RALY: variants seen among roughly 807,000 people sequenced by gnomAD.
The protein encoded by RALY is RNA-binding protein Raly.
RALY carries 15 observed loss-of-function variants against 30.7 expected under a neutral mutation model. The ratio of observed to expected loss-of-function variants is 0.49; its 90% CI spans 0.33 to 0.75. The LOEUF (loss-of-function observed/expected upper bound fraction) is 0.75, where lower values mean the gene tolerates loss of function less well. Among genes scored for constraint, RALY ranks in the 30% least tolerant of loss-of-function variants. RALY has a pLI of 0.02. For synonymous variants in RALY, 177 were observed against 170.8 expected (o/e 1.04, Z -0.28); for missense variants, 339 against 414.3 (o/e 0.82, Z 1.58).
intron 1 of RALY, among the ~76,000 whole-genome samples, chr20:34,016,051 C>T (rs1430445777): frequency 1.3e-5 from 2 of 152,086 alleles, no homozygotes; most frequent in Non-Finnish European, 2.9e-5. Flanking sequence ...ACTCAGACAC[C>T]ACACTGTTCA....
intron 2 of RALY, among the ~76,000 whole-genome samples, chr20:34,064,504 G>A (rs1042982031): frequency 6.6e-6 from 1 of 152,146 alleles, no homozygotes; most frequent in East Asian, 1.9e-4. Flanking sequence ...TGGTGGTTCC[G>A]TCCTCTCCCA....
intron 2 of RALY, among the ~76,000 whole-genome samples, chr20:34,043,660 G>T (rs183407226): frequency 2.6e-5 from 4 of 152,232 alleles, no homozygotes; most frequent in Admixed American, 2.6e-4. Flanking sequence ...GTTCCATGGG[G>T]GTTCATACTA....
chr20:34,050,533 A>G (rs138268115), intron 2 of RALY, among the ~76,000 whole-genome samples: 128 of 152,370 alleles, frequency 8.4e-4, no homozygotes, highest in Middle Eastern at 6.8e-3. Context: ...AGGATGTGAT[A>G]TCAGGCAGGG....
At chr20:34,046,236 C>T (rs1230341718) in intron 2 of RALY, among the ~76,000 whole-genome samples, 2 of 152,164 alleles carry the variant, frequency 1.3e-5, no homozygotes, top group African/African-American at 4.8e-5. Flanking sequence ...GAAGCCCAGC[C>T]CCAGTCTTAT....
intron 1 of RALY, among the ~76,000 whole-genome samples, chr20:34,010,599 T>A (rs1056500232): frequency 1.3e-5 from 2 of 152,186 alleles, no homozygotes; most frequent in African/African-American, 2.4e-5. Context: ...TTCTTGTGAT[T>A]ACTGAAACAT....
chr20:34,031,337 A>G (rs2032272105), intron 1 of RALY, among the ~76,000 whole-genome samples, 185 bp from the exon 2 acceptor site: 1 of 151,366 alleles, frequency 6.6e-6, no homozygotes, highest in African/African-American at 2.4e-5. Context: ...CTGAGATTAC[A>G]GGCATGAGCC....
Position 34,077,705 on chromosome 20 carries a change from G to C in RALY, c.876+460G>C, listed in dbSNP as rs913874968. On this transcript the variant is annotated intron_variant, in intron 8 of 9. Coordinates refer to ENST00000246194, the MANE Select transcript of RALY (RefSeq NM_016732.3). Reference sequence around the variant, plus strand: ...TACTAGAACTATTCAGGCTGAGGCCGGCAGGCCATTTGACAAGGAGCTTAT... The same window carrying C: ...TACTAGAACTATTCAGGCTGAGGCCCGCAGGCCATTTGACAAGGAGCTTAT... 3.1e-5 allele frequency: 7 copies of C among 224,590 alleles called. No individual in the cohort carries two copies. In the South Asian group the frequency reaches 4.0e-4, roughly 13 times the overall value. 13.9% of individuals were successfully genotyped at this position (224,590 alleles called of 1,614,324 possible).
At chr20:34,069,675 T>C (rs879139737) in intron 2 of RALY, among the ~76,000 whole-genome samples, 1 of 152,192 alleles carries the variant, frequency 6.6e-6, no homozygotes, top group Admixed American at 6.5e-5. Flanking sequence ...CAGCGAGAAC[T>C]GTGAGGAATG....
chr20:34,032,114 C>T (rs947333900), intron 2 of RALY, among the ~76,000 whole-genome samples: 1 of 152,174 alleles, frequency 6.6e-6, no homozygotes, highest in African/African-American at 2.4e-5. Context: ...AGGCATGCAC[C>T]GCCATGCCTG....
chr20:34,076,389 A>T (rs757735591), intron 6 of RALY, among the ~76,000 whole-genome samples: 2 of 152,224 alleles, frequency 1.3e-5, no homozygotes, highest in Non-Finnish European at 2.9e-5. Context: ...TCAGATTCCA[A>T]AAGACACATG....
intron 1 of RALY, among the ~76,000 whole-genome samples, chr20:33,995,725 T>C (rs1030006718): frequency 6.6e-6 from 1 of 152,222 alleles, no homozygotes; most frequent in Non-Finnish European, 1.5e-5. Flanking sequence ...CTTTTTCATA[T>C]CTGCCTTTCC....
intron 1 of RALY, among the ~76,000 whole-genome samples, chr20:34,001,542 T>G (rs757614807): frequency 3.3e-5 from 5 of 152,250 alleles, no homozygotes; most frequent in Non-Finnish European, 7.3e-5. Flanking sequence ...TTATCTGGTA[T>G]TTAGCTGTCT....
chr20:34,082,659 A>T lies in RALY; in HGVS notation c.*2754A>T, dbSNP rs907950920. ...AGGGAGAACGAGAGTCCCATCCTGG[A>T]ACTCCAGAAAAGCCCCTGGATGCTC... On this transcript the variant is annotated 3_prime_UTR_variant, in exon 10 of 10. Coordinates refer to ENST00000246194, the MANE Select transcript of RALY (RefSeq NM_016732.3). 3 of 152,324 alleles carry T rather than the reference A, an allele frequency of 2.0e-5. No homozygotes were observed. The East Asian group carries it at 5.8e-4, about 29-fold the overall frequency. 9.4% of individuals were successfully genotyped at this position (152,324 alleles called of 1,614,324 possible).
At chr20:34,027,117 C>CCA (rs2032074210) in intron 1 of RALY, among the ~76,000 whole-genome samples, 2 of 152,132 alleles carry the variant, frequency 1.3e-5, no homozygotes, top group Admixed American at 6.5e-5. Flanking sequence ...CCCACTCCCT[C>CCA]CACATCCCCC....
At chr20:34,003,511 G>A (rs1287006909) in intron 1 of RALY, among the ~76,000 whole-genome samples, 2 of 152,096 alleles carry the variant, frequency 1.3e-5, no homozygotes, top group East Asian at 1.9e-4. Flanking sequence ...CTGGACAGGG[G>A]CAATGATGGA....
chr20:34,076,118 G>T, intron 6 of RALY, 78 bp downstream of exon 6: 1 of 1,490,652 alleles, frequency 6.7e-7, no homozygotes, highest in Non-Finnish European at 9.2e-7. Context: ...TTTTTACATT[G>T]GAACATAGAT....
intron 2 of RALY, among the ~76,000 whole-genome samples, chr20:34,037,086 A>G (rs1001673131): frequency 6.6e-6 from 1 of 152,188 alleles, no homozygotes; most frequent in South Asian, 2.1e-4. Context: ...GCTTGACTAT[A>G]CCAGTGGACT....
intron 2 of RALY, among the ~76,000 whole-genome samples, chr20:34,045,857 T>C (rs2032862501): frequency 6.6e-6 from 1 of 152,192 alleles, no homozygotes; most frequent in Non-Finnish European, 1.5e-5. Flanking sequence ...CAAGGCTACT[T>C]ACCTAGTTAG....
intron 2 of RALY, among the ~76,000 whole-genome samples, chr20:34,038,736 A>G (rs1460687701): frequency 6.6e-6 from 1 of 152,214 alleles, no homozygotes; most frequent in African/African-American, 2.4e-5. Context: ...TTGATCTGAC[A>G]TTTATTTTCT....
Sources: gnomAD v4.1 joint callset for allele counts (sites outside exome capture counted in the v4.1 genomes callset) on GRCh38, gnomAD v4.1.1 for gene constraint, MANE v1.5 for transcripts, NCBI Gene and HGNC (gene_info 2026-07-23, HGNC 2026-07-21) for gene names.